MTHFD2L: variants seen among roughly 807,000 people sequenced by gnomAD.
The protein encoded by MTHFD2L is bifunctional methylenetetrahydrofolate dehydrogenase/cyclohydrolase 2, mitochondrial.
Under a neutral mutation model 34.9 loss-of-function variants are expected in MTHFD2L, and 29 were observed. That is an observed-to-expected ratio of 0.83 (90% CI 0.62 to 1.13). The LOEUF (loss-of-function observed/expected upper bound fraction) is 1.13. MTHFD2L is among the 50% of genes most tolerant of loss of function. The pLI, the probability that MTHFD2L is intolerant of heterozygous loss-of-function variation, is 0.00. For missense variants in MTHFD2L, 481 were observed against 446.5 expected, an observed-to-expected ratio of 1.08 and a Z score of -0.70; for synonymous variants, 167 against 155.7, an observed-to-expected ratio of 1.07 and a Z score of -0.54.
At chr4:74,184,102 A>G (rs931887708) in intron 3 of MTHFD2L, among the ~76,000 whole-genome samples, 3 of 152,234 alleles carry the variant, frequency 2.0e-5, no homozygotes, top group Admixed American at 6.5e-5. Flanking sequence ...GCCAACAGAT[A>G]AGAAAAAGTA....
intron 1 of MTHFD2L, among the ~76,000 whole-genome samples, chr4:74,146,302 C>T (rs1451546259): frequency 6.6e-6 from 1 of 151,950 alleles, no homozygotes; most frequent in African/African-American, 2.4e-5. Flanking sequence ...TCAGGGTGGT[C>T]TATGACTCCT....
chr4:74,215,508 G>A (rs1737056720), intron 5 of MTHFD2L, among the ~76,000 whole-genome samples: 2 of 151,472 alleles, frequency 1.3e-5, no homozygotes, highest in Admixed American at 6.6e-5. Context: ...GCTTCAGTTC[G>A]CCCTCTGTAG....
chr4:74,141,865 C>T (rs1723289703), intron 1 of MTHFD2L, among the ~76,000 whole-genome samples: 1 of 152,114 alleles, frequency 6.6e-6, no homozygotes, highest in Non-Finnish European at 1.5e-5. Flanking sequence ...ATTATCCCAT[C>T]CATTATAGCT....
rs1459584892 is a variant in MTHFD2L at position 74,143,710 on chromosome 4, A to T, written c.-296-16345A>T. ...TGGTAAGAAAATGGATAGAGAAGAA[A>T]TTTTTTGGGTTGTGGAAAATAAGAT... On this transcript the variant is annotated intron_variant, in intron 1 of 7. Transcript: ENST00000433372. Among the ~76,000 whole-genome samples the T allele has an allele frequency of 5.3e-5, 8 of 152,056 alleles. No homozygotes were observed. The East Asian group carries it at 1.5e-3, about 29-fold the overall frequency.
At chr4:74,135,028 A>C (rs976710369) in intron 1 of MTHFD2L, among the ~76,000 whole-genome samples, 17 of 152,192 alleles carry the variant, frequency 1.1e-4, no homozygotes, top group Admixed American at 1.1e-3. Flanking sequence ...GCAGAGCAGG[A>C]GCAAGGGTAG....
intron 7 of MTHFD2L, among the ~76,000 whole-genome samples, chr4:74,289,178 G>C (rs1748570127): frequency 6.6e-6 from 1 of 152,170 alleles, no homozygotes. Context: ...ATATAACAAG[G>C]CAGTGTCTTA....
intron 6 of MTHFD2L, among the ~76,000 whole-genome samples, chr4:74,247,417 A>T (rs1213960697): frequency 2.0e-5 from 3 of 152,024 alleles, no homozygotes; most frequent in African/African-American, 7.2e-5. Context: ...CAATCATGTC[A>T]TCTGCAAACA....
chr4:74,295,133 C>G (rs1445914410), intron 7 of MTHFD2L, among the ~76,000 whole-genome samples: 1 of 152,112 alleles, frequency 6.6e-6, no homozygotes, highest in African/African-American at 2.4e-5. Flanking sequence ...ACAGTAACTA[C>G]AGCTACCATC....
chr4:74,170,075 C>A (rs1727578280), intron 1 of MTHFD2L, among the ~76,000 whole-genome samples: 9 of 152,168 alleles, frequency 5.9e-5, no homozygotes, highest in Admixed American at 5.9e-4. Flanking sequence ...AATGCCAATT[C>A]TTTACACACT....
chr4:74,197,424 T>A (rs1733673938), intron 3 of MTHFD2L, among the ~76,000 whole-genome samples: 1 of 152,198 alleles, frequency 6.6e-6, no homozygotes, highest in Non-Finnish European at 1.5e-5. Flanking sequence ...CTTTTTTGCA[T>A]GTGCTTAGAC....
At chr4:74,282,198 T>C (rs1370405988) in intron 7 of MTHFD2L, among the ~76,000 whole-genome samples, 4 of 152,154 alleles carry the variant, frequency 2.6e-5, no homozygotes, top group African/African-American at 7.2e-5. Context: ...CCTGACCCTC[T>C]AATCTGATTT....
intron 6 of MTHFD2L, among the ~76,000 whole-genome samples, chr4:74,235,201 A>G (rs372266477): frequency 9.8e-5 from 15 of 152,292 alleles, no homozygotes; most frequent in African/African-American, 3.6e-4. Flanking sequence ...ATAACATCAT[A>G]TTTGAATTTT....
intron 6 of MTHFD2L, among the ~76,000 whole-genome samples, chr4:74,243,393 G>A (rs1741982648): frequency 6.6e-6 from 1 of 152,062 alleles, no homozygotes; most frequent in Non-Finnish European, 1.5e-5. Context: ...TAAATGGGGT[G>A]GGATTGTTAT....
At chr4:74,263,536 C>A (rs1008060754) in intron 6 of MTHFD2L, among the ~76,000 whole-genome samples, 1 of 151,904 alleles carries the variant, frequency 6.6e-6, no homozygotes, top group Non-Finnish European at 1.5e-5. Context: ...TTGTAGAGAT[C>A]TTTCACCTCC....
intron 1 of MTHFD2L, among the ~76,000 whole-genome samples, chr4:74,136,314 G>A (rs1315993129): frequency 1.3e-5 from 2 of 152,034 alleles, no homozygotes; most frequent in African/African-American, 4.8e-5. Flanking sequence ...AAAATTAGTA[G>A]TGTTTCTACA....
intron 1 of MTHFD2L, among the ~76,000 whole-genome samples, chr4:74,170,032 G>A (rs929501181): frequency 1.6e-4 from 24 of 152,006 alleles, no homozygotes; most frequent in African/African-American, 5.6e-4. Context: ...TAGCTTCATG[G>A]GTGAATCCTA....
chr4:74,134,638 AC>A (rs1722778321), intron 1 of MTHFD2L, among the ~76,000 whole-genome samples: 1 of 152,006 alleles, frequency 6.6e-6, no homozygotes, highest in South Asian at 2.1e-4. Flanking sequence ...CCAGCGACTG[AC>A]CCTCCTGAGA....
At chr4:74,231,438 G>C (rs575440192) in intron 6 of MTHFD2L, among the ~76,000 whole-genome samples, 1 of 152,132 alleles carries the variant, frequency 6.6e-6, no homozygotes, top group African/African-American at 2.4e-5. Flanking sequence ...GCTCACTTAC[G>C]GCCCTGAGTG....
At position 74,130,118 on chromosome 4, in the gene MTHFD2L, C is replaced by G. The variant is rs531140792; in HGVS notation, c.-297+4601C>G. Among the ~76,000 whole-genome samples the G allele has an allele frequency of 1.6e-4, 25 of 152,184 alleles. No homozygotes were observed. The South Asian group carries it at 2.1e-3, about 13-fold the overall frequency. ...AATAGCCTACCAACCAAGAAAAGCC[C>G]AGGACCAGACAAATTCACAGCCGAA... On this transcript the variant is annotated intron_variant, in intron 1 of 7. Coordinates refer to the MTHFD2L transcript ENST00000433372.
Sources: gnomAD v4.1 joint callset for allele counts (sites outside exome capture counted in the v4.1 genomes callset) on GRCh38, gnomAD v4.1.1 for gene constraint, MANE v1.5 for transcripts, NCBI Gene and HGNC (gene_info 2026-07-23, HGNC 2026-07-21) for gene names.